The following ITFG2 variants were observed in gnomAD, a reference collection of about 807,000 sequenced individuals.
ITFG2 encodes the protein KICSTOR complex protein ITFG2.
ITFG2 carries 36 observed loss-of-function variants against 54.4 expected under a neutral mutation model. The observed-to-expected ratio is 0.66, with a 90% CI of 0.51 to 0.87. ITFG2 has a LOEUF of 0.87. Among genes scored for constraint, ITFG2 ranks in the 40% least tolerant of loss-of-function variants. The pLI, the probability that ITFG2 is intolerant of heterozygous loss-of-function variation, is 0.00. For missense variants in ITFG2, 524 were observed against 576.7 expected (o/e 0.91, Z 0.94); for synonymous variants, 211 against 225.4 (o/e 0.94, Z 0.57).
At chr12:2,831,207 G>GT (rs59616621), downstream of ITFG2, among the ~76,000 whole-genome samples, 473 of 148,220 alleles carry the variant, frequency 3.2e-3, 11 homozygotes, top group African/African-American at 0.011. Context: ...AACTAGGAGG[G>GT]TTTTTTTTTT....
At position 2,823,822 on chromosome 12, in the gene ITFG2, T is replaced by C. The variant is rs1431387096; in HGVS notation, c.1119T>C (p.Thr373=). Residue 373 remains threonine (T), a synonymous_variant, in exon 11 of 12, where the codon ACT becomes ACC. Transcript: ENST00000228799. ...GRNSPCLVYV[T]FNQKIYVYWE... ...ACAGCCCCTGCCTCGTATATGTCAC[T>C]TTCAACCAGAAGATCTATGTGTACT... The C allele has an allele frequency of 5.6e-6, 9 of 1,608,044 alleles. No individual in the cohort carries two copies. Among genetic ancestry groups the C allele is most frequent in the Non-Finnish European group, 7.6e-6 (9 of 1,176,640 alleles).
intron 1 of ITFG2, among the ~76,000 whole-genome samples, chr12:2,816,060 C>T (rs1407920051): frequency 3.7e-4 from 54 of 146,384 alleles, no homozygotes; most frequent in Non-Finnish European, 6.7e-4. Flanking sequence ...GAGACAGAGT[C>T]TCGCTCTGTC....
downstream of ITFG2, chr12:2,827,927 C>G (rs1341309515): frequency 3.1e-6 from 5 of 1,613,938 alleles, no homozygotes; most frequent in Non-Finnish European, 4.2e-6. This position sits in a 1 kb window ranked among gnomAD's most constrained non-coding sequence, Gnocchi z 4.0. Flanking sequence ...GGGACTTACC[C>G]ACCACCTGTG....
intron 2 of ITFG2, among the ~76,000 whole-genome samples, chr12:2,852,451 C>T (rs947426775): frequency 3.9e-5 from 6 of 152,088 alleles, no homozygotes; most frequent in Admixed American, 2.6e-4. Flanking sequence ...ACTGCAGCCT[C>T]GACCTCCTGG....
chr12:2,849,066 G>T (rs2098061613), intron 2 of ITFG2: 2 of 663,334 alleles, frequency 3.0e-6, no homozygotes, highest in African/African-American at 3.7e-5. Flanking sequence ...ATCTCCAATA[G>T]CCTGGGGTAC....
chr12:2,812,783 A>G lies in ITFG2; in HGVS notation c.23A>G (p.Gln8Arg), dbSNP rs1379813863. 6.2e-7 allele frequency: 1 copy of G among 1,611,948 alleles called. No homozygotes were observed. The highest frequency in any genetic ancestry group is 1.3e-5 in the African/African-American group (1 of 75,032). Residue 8 changes from glutamine to arginine, a missense_variant, in exon 1 of 12, where the codon CAG (glutamine) becomes CGG (arginine). By Grantham distance (43) the Gln-to-Arg change is conservative. Transcript: ENST00000228799. Reference protein sequence around the residue: MRSVSYVQRVALEFSGSL... With the variant: MRSVSYVRRVALEFSGSL... ...GCCATGAGGTCAGTTAGCTACGTGC[A>G]GCGCGTGGCGCTGGAGTTCAGCGGG...
At chr12:2,855,433 C>A in intron 2 of ITFG2, 1 of 1,467,754 alleles carries the variant, frequency 6.8e-7, no homozygotes, top group Non-Finnish European at 9.0e-7. Flanking sequence ...GAGGGACTCG[C>A]TGGCCTGGAC....
At chr12:2,849,381 C>T (rs1459355521) in intron 2 of ITFG2, 3 of 1,536,176 alleles carry the variant, frequency 2.0e-6, no homozygotes, top group Non-Finnish European at 2.6e-6. Context: ...CGCTGGGCAG[C>T]AAGGCCAGCT....
chr12:2,855,049 T>C, intron 2 of ITFG2: 1 of 1,536,084 alleles, frequency 6.5e-7, no homozygotes, highest in Non-Finnish European at 8.7e-7. Flanking sequence ...AAACGTGGGA[T>C]AACAGTGGAT....
intron 2 of ITFG2, among the ~76,000 whole-genome samples, chr12:2,846,161 G>A (rs2098052842): frequency 6.6e-6 from 1 of 152,216 alleles, no homozygotes; most frequent in Non-Finnish European, 1.5e-5. Flanking sequence ...CTGCTGCAGA[G>A]CAGAGGCTGT....
intron 2 of ITFG2, chr12:2,849,491 G>A: frequency 6.5e-7 from 1 of 1,536,162 alleles, no homozygotes; most frequent in African/African-American, 1.4e-5. Context: ...AGGCCCTGGG[G>A]TTCAAACCTC....
At chr12:2,834,615 G>C, upstream of ITFG2, 1 of 1,544,810 alleles carries the variant, frequency 6.5e-7, no homozygotes, top group Non-Finnish European at 8.7e-7. Context: ...GCCAGGGGAC[G>C]CTGGCAGGGG....
At chr12:2,849,462 C>T (rs759068233) in intron 2 of ITFG2, 25 of 1,536,024 alleles carry the variant, frequency 1.6e-5, no homozygotes, top group East Asian at 4.9e-5. Context: ...TATTGGGAAA[C>T]GGGTTGGGCA....
chr12:2,823,245 T>C (rs886082141), intron 10 of ITFG2, among the ~76,000 whole-genome samples: 6 of 152,230 alleles, frequency 3.9e-5, no homozygotes, highest in Non-Finnish European at 7.3e-5. Context: ...GTCATCTGTC[T>C]GGGATGTGTG....
chr12:2,847,437 G>GC (rs1565445526), intron 2 of ITFG2, among the ~76,000 whole-genome samples: 1 of 151,978 alleles, frequency 6.6e-6, no homozygotes, highest in Non-Finnish European at 1.5e-5. Flanking sequence ...GGAGGCCGAG[G>GC]TGGGCGGATC....
chr12:2,835,807 C>A (rs991408740), upstream of ITFG2, among the ~76,000 whole-genome samples: 2 of 152,228 alleles, frequency 1.3e-5, no homozygotes, highest in Non-Finnish European at 2.9e-5. Flanking sequence ...CAGGCCCAGA[C>A]TTCTTTATAT....
At chr12:2,817,480 C>G in intron 2 of ITFG2, 162 bp downstream of exon 2, 1 of 599,398 alleles carries the variant, frequency 1.7e-6, no homozygotes, top group East Asian at 2.8e-5. Flanking sequence ...GAGGGCAGCC[C>G]CCAGCTAGTG....
upstream of ITFG2, among the ~76,000 whole-genome samples, chr12:2,836,220 G>C (rs11611125): frequency 0.28 from 42,434 of 152,162 alleles, 6,970 homozygotes; most frequent in East Asian, 0.47. Flanking sequence ...AGTGCACACT[G>C]AGACAGCTGC....
Position 2,822,711 on chromosome 12 carries a change from A to C in ITFG2, c.949-83A>C, listed in dbSNP as rs1418417735. On this transcript the variant is annotated intron_variant, in intron 9 of 11. Coordinates refer to ENST00000228799, the MANE Select transcript of ITFG2 (RefSeq NM_018463.4). ...GCGTTTACTGCCGAACCCACGGGTG[A>C]AATTCCTCCCCAGCTCGCTGTTTGT... 3.3e-6 allele frequency: 4 copies of C among 1,214,804 alleles called. No individual in the cohort carries two copies. In the African/African-American group the frequency reaches 6.0e-5, roughly 18 times the overall value. 75.3% of individuals were successfully genotyped at this position (1,214,804 alleles called of 1,614,324 possible).
Sources: gnomAD v4.1 joint callset for allele counts (sites outside exome capture counted in the v4.1 genomes callset) on GRCh38, gnomAD v4.1.1 for gene constraint, Gnocchi (gnomAD v3.1) non-coding constraint, MANE v1.5 for transcripts, NCBI Gene and HGNC (gene_info 2026-07-23, HGNC 2026-07-21) for gene names.